DHRS7B: variants seen among roughly 807,000 people sequenced by gnomAD.
DHRS7B encodes dehydrogenase/reductase 7B.
In DHRS7B, 24 loss-of-function variants were observed where a neutral mutation model predicts 26.4. The observed-to-expected ratio is 0.91, with a 90% confidence interval of 0.66 to 1.28. DHRS7B has a LOEUF of 1.28. DHRS7B is among the 50% of genes most tolerant of loss of function. DHRS7B has a pLI of 0.00. For missense variants in DHRS7B, 368 were observed against 419.4 expected (o/e 0.88, Z 1.07); for synonymous variants, 142 against 166.4 (o/e 0.85, Z 1.13).
At chr17:21,150,145 G>T (rs1973737739) in intron 1 of DHRS7B, among the ~76,000 whole-genome samples, 1 of 142,932 alleles carries the variant, frequency 7.0e-6, no homozygotes, top group Admixed American at 7.0e-5. Flanking sequence ...AAGGCATAGA[G>T]TATCTGAATG....
chr17:21,175,120 C>G (rs1363344881), intron 2 of DHRS7B, among the ~76,000 whole-genome samples: 1 of 152,192 alleles, frequency 6.6e-6, no homozygotes, highest in Non-Finnish European at 1.5e-5. Context: ...GGAGAGGCGC[C>G]TGGGGGATGA....
intron 1 of DHRS7B, among the ~76,000 whole-genome samples, chr17:21,160,801 C>T (rs1212134288): frequency 6.6e-6 from 1 of 152,014 alleles, no homozygotes; most frequent in Non-Finnish European, 1.5e-5. Context: ...TTCATAATTG[C>T]CGAAACTTCG....
intron 5 of DHRS7B, among the ~76,000 whole-genome samples, chr17:21,185,101 T>G (rs1974602666): frequency 6.6e-6 from 1 of 152,240 alleles, no homozygotes; most frequent in African/African-American, 2.4e-5. Context: ...AGCAGTGTGC[T>G]GTGTAGAACA....
intron 1 of DHRS7B, among the ~76,000 whole-genome samples, chr17:21,142,634 CCAGAAATG>C (rs1175532403): frequency 2.0e-5 from 3 of 152,080 alleles, no homozygotes; most frequent in Non-Finnish European, 4.4e-5. Context: ...TTAGTTCCAT[CCAGAAATG>C]CAGGGACAAC....
chr17:21,151,809 G>C (rs146700028), intron 1 of DHRS7B, among the ~76,000 whole-genome samples: 159 of 152,332 alleles, frequency 1.0e-3, no homozygotes, highest in Middle Eastern at 6.8e-3. Flanking sequence ...AAAATCTCAT[G>C]TTCAATTGTA....
At chr17:21,169,599 G>A (rs1049831113) in intron 1 of DHRS7B, among the ~76,000 whole-genome samples, 8 of 152,144 alleles carry the variant, frequency 5.3e-5, no homozygotes, top group African/African-American at 1.7e-4. Flanking sequence ...CTGCACTGCC[G>A]CTGTTGTGCT....
chr17:21,171,048 CG>C (rs139173260), intron 1 of DHRS7B, among the ~76,000 whole-genome samples: 11,039 of 151,520 alleles, frequency 0.073, 675 homozygotes, highest in African/African-American at 0.17. Flanking sequence ...GAGGTGGACT[CG>C]GGGGGGGCCT....
At chr17:21,134,364 G>A (rs1240351936) in intron 1 of DHRS7B, among the ~76,000 whole-genome samples, 4 of 152,152 alleles carry the variant, frequency 2.6e-5, no homozygotes, top group Non-Finnish European at 5.9e-5. Flanking sequence ...ACTTTCTAAA[G>A]CTGAGCCATG....
intron 6 of DHRS7B, among the ~76,000 whole-genome samples, chr17:21,190,414 C>G (rs2144265200): frequency 6.6e-6 from 1 of 152,328 alleles, no homozygotes; most frequent in South Asian, 2.1e-4. Context: ...CATCTGTCTG[C>G]TCCTGACTCA....
At chr17:21,175,566 G>A (rs1974357806) in intron 2 of DHRS7B, among the ~76,000 whole-genome samples, 1 of 152,202 alleles carries the variant, frequency 6.6e-6, no homozygotes, top group Non-Finnish European at 1.5e-5. Context: ...TCAGCCAGGG[G>A]CCAAGGTATC....
intron 1 of DHRS7B, among the ~76,000 whole-genome samples, chr17:21,149,001 A>G (rs2143978979): frequency 6.6e-6 from 1 of 152,292 alleles, no homozygotes; most frequent in South Asian, 2.1e-4. Flanking sequence ...GACCCAAATA[A>G]GACCCCAAGG....
At chr17:21,141,640 A>AAAAAAAAAACAAAAAAAG in intron 1 of DHRS7B, among the ~76,000 whole-genome samples, 1 of 90,078 alleles carries the variant, frequency 1.1e-5, no homozygotes, top group African/African-American at 4.3e-5. Context: ...AAAAAAAAAA[A>AAAAAAAAAACAAAAAAAG]CAACCTCATC....
intron 5 of DHRS7B, among the ~76,000 whole-genome samples, chr17:21,187,924 C>T (rs183598462): frequency 6.6e-6 from 1 of 152,170 alleles, no homozygotes; most frequent in African/African-American, 2.4e-5. Context: ...TCTCCGCTCA[C>T]TGCAAGCTCC....
chr17:21,151,235 G>A (rs908881173), intron 1 of DHRS7B, among the ~76,000 whole-genome samples: 8 of 152,078 alleles, frequency 5.3e-5, no homozygotes, highest in African/African-American at 1.2e-4. Flanking sequence ...GGCTGGGTGC[G>A]GTGGCTCACG....
chr17:21,153,001 T>TA (rs1312646088), intron 1 of DHRS7B, among the ~76,000 whole-genome samples: 1 of 152,026 alleles, frequency 6.6e-6, no homozygotes, highest in Non-Finnish European at 1.5e-5. Flanking sequence ...ACCTTTTGAT[T>TA]AAAAAATTAC....
chr17:21,190,211 G>A (rs1270180688), intron 6 of DHRS7B, among the ~76,000 whole-genome samples: 2 of 151,738 alleles, frequency 1.3e-5, no homozygotes, highest in East Asian at 1.9e-4. Context: ...GCTAGTGGCC[G>A]CTCCTGTGTG....
chr17:21,138,059 C>G (rs1973389004), intron 1 of DHRS7B, among the ~76,000 whole-genome samples: 1 of 79,022 alleles, frequency 1.3e-5, no homozygotes, highest in African/African-American at 6.8e-5. Flanking sequence ...AGGTGCCCGG[C>G]CTCTTTTAAA....
intron 1 of DHRS7B, among the ~76,000 whole-genome samples, chr17:21,169,604 T>C (rs1218783926): frequency 3.9e-5 from 6 of 152,122 alleles, no homozygotes; most frequent in Admixed American, 3.9e-4. Flanking sequence ...CTGCCGCTGT[T>C]GTGCTGCAGT....
intron 1 of DHRS7B, chr17:21,168,615 T>G: frequency 1.7e-6 from 1 of 586,604 alleles, no homozygotes; most frequent in Non-Finnish European, 2.1e-6. Flanking sequence ...GCGATCCCCC[T>G]ACCTCAGCCT....
Sources: allele counts gnomAD v4.1 joint callset (sites outside exome capture counted in the v4.1 genomes callset), GRCh38; gene constraint gnomAD v4.1.1; transcripts MANE v1.5; gene names NCBI Gene and HGNC (gene_info 2026-07-23, HGNC 2026-07-21).